The following GALNT17 variants were observed in gnomAD, a reference collection of about 807,000 sequenced individuals.
The protein encoded by GALNT17 is UDP-GalNAc:polypeptide N-acetylgalactosaminyltransferase-like 3.
In GALNT17, 29 loss-of-function variants were observed where a neutral mutation model predicts 63.7. The observed-to-expected ratio is 0.46, with a 90% confidence interval of 0.34 to 0.62. GALNT17 has a LOEUF of 0.62. Among genes scored for constraint, GALNT17 ranks in the 20% least tolerant of loss-of-function variants. GALNT17 has a pLI of 0.01. For synonymous variants in GALNT17, 305 were observed against 318.3 expected, an observed-to-expected ratio of 0.96 and a Z score of 0.45; for missense variants, 603 against 799.6, an observed-to-expected ratio of 0.75 and a Z score of 2.97.
rs530176376 is a variant in GALNT17, at chr7:71,705,389, T to C, written c.1501-5372T>C. Among the ~76,000 whole-genome samples, 8 of 152,170 alleles carry C rather than the reference T, an allele frequency of 5.3e-5. 2 individuals are homozygous for C. The South Asian group carries it at 1.5e-3, about 28-fold the overall frequency. Reference sequence around the variant, plus strand: ...ATGAGTTGGCCAGGATGTGGAGAAATTGAAACCCCGGTTCATTGCTGGTGG... The same window carrying C: ...ATGAGTTGGCCAGGATGTGGAGAAACTGAAACCCCGGTTCATTGCTGGTGG... On this transcript the variant is annotated intron_variant, in intron 9 of 10. Transcript: ENST00000333538.
chr7:71,219,438 A>G (rs1789544754), intron 1 of GALNT17, among the ~76,000 whole-genome samples: 1 of 152,108 alleles, frequency 6.6e-6, no homozygotes, highest in South Asian at 2.1e-4. Context: ...TCTTTCTGGA[A>G]TGCTTCTGTG....
At chr7:71,531,643 A>G (rs1179251637) in intron 5 of GALNT17, among the ~76,000 whole-genome samples, 1 of 152,110 alleles carries the variant, frequency 6.6e-6, no homozygotes, top group Non-Finnish European at 1.5e-5. Context: ...CACTGTGTTG[A>G]CCATTGTGTT....
chr7:71,610,549 C>T (rs1255922897), intron 6 of GALNT17, among the ~76,000 whole-genome samples: 1 of 152,012 alleles, frequency 6.6e-6, no homozygotes, highest in Non-Finnish European at 1.5e-5. Context: ...CCAAAAATAT[C>T]CTAACAGGCT....
chr7:71,339,531 T>A (rs1791971213), intron 2 of GALNT17, among the ~76,000 whole-genome samples: 1 of 151,762 alleles, frequency 6.6e-6, no homozygotes, highest in African/African-American at 2.4e-5. Context: ...TACTAAAATA[T>A]ACAAAAAAAG....
chr7:71,590,928 T>G (rs1021999151), intron 6 of GALNT17, among the ~76,000 whole-genome samples: 2 of 152,086 alleles, frequency 1.3e-5, no homozygotes, highest in Non-Finnish European at 2.9e-5. Context: ...CACAGCTAAT[T>G]TTTTGTATTT....
At chr7:71,507,101 G>C (rs112170578) in intron 5 of GALNT17, among the ~76,000 whole-genome samples, 4 of 152,126 alleles carry the variant, frequency 2.6e-5, no homozygotes, top group African/African-American at 7.2e-5. Flanking sequence ...TGGGCATAGT[G>C]GTGCACACCT....
chr7:71,603,002 A>C (rs1171895793), intron 6 of GALNT17, among the ~76,000 whole-genome samples: 2 of 152,150 alleles, frequency 1.3e-5, no homozygotes, highest in Non-Finnish European at 2.9e-5. Flanking sequence ...TGCTAAGTGC[A>C]TACACTGGAT....
chr7:71,425,263 G>A (rs112727489), intron 5 of GALNT17, among the ~76,000 whole-genome samples: 4,401 of 151,448 alleles, frequency 0.029, 91 homozygotes, highest in East Asian at 0.042. Context: ...TAGCTCTGTC[G>A]CCCAGGCTGA....
chr7:71,230,286 A>G (rs971917427), intron 1 of GALNT17, among the ~76,000 whole-genome samples: 5 of 152,066 alleles, frequency 3.3e-5, no homozygotes, highest in Non-Finnish European at 5.9e-5. Flanking sequence ...CAGATTGAAT[A>G]GGGGTTTATT....
At position 71,484,867 on chromosome 7, in the gene GALNT17, C is replaced by T. The variant is rs562602109; in HGVS notation, c.962+63762C>T. On this transcript the variant is annotated intron_variant, in intron 5 of 10. Coordinates refer to ENST00000333538, the MANE Select transcript of GALNT17 (RefSeq NM_022479.3). ...AGGCTGGAGTGCAATGGTGCAATCT[C>T]GGCTCACTGCAACCTCCACCTCCTG... Among the ~76,000 whole-genome samples the T allele has an allele frequency of 3.1e-3, 394 of 128,034 alleles. 2 individuals are homozygous for T. The highest frequency in any genetic ancestry group is 0.011 in the African/African-American group (374 of 33,968). The allele number at this position is 128,034 out of a possible 152,430, so 84.0% of individuals were successfully genotyped here. A position where few individuals can be genotyped will look rare whatever the true frequency, so the allele number is the denominator to read the frequency against.
chr7:71,237,532 A>G (rs1789917084), intron 1 of GALNT17, among the ~76,000 whole-genome samples: 1 of 148,344 alleles, frequency 6.7e-6, no homozygotes, highest in African/African-American at 2.5e-5. Context: ...AAAAAAAAAA[A>G]GAAAAAACAG....
At chr7:71,526,653 G>T (rs994479226) in intron 5 of GALNT17, among the ~76,000 whole-genome samples, 5 of 152,144 alleles carry the variant, frequency 3.3e-5, no homozygotes, top group African/African-American at 1.2e-4. Flanking sequence ...CCAAGTAGCT[G>T]GGATTACAGG....
intron 2 of GALNT17, among the ~76,000 whole-genome samples, chr7:71,378,884 C>T (rs1792792809): frequency 6.6e-6 from 1 of 152,068 alleles, no homozygotes; most frequent in Admixed American, 6.5e-5. Context: ...CGCCTGTAGT[C>T]CCAGCTACTT....
intron 2 of GALNT17, among the ~76,000 whole-genome samples, chr7:71,376,944 A>G (rs1456252452): frequency 2.0e-5 from 3 of 150,922 alleles, no homozygotes; most frequent in African/African-American, 4.9e-5. Context: ...AAGTTAGCCA[A>G]GCGAGGTGGT....
intron 1 of GALNT17, among the ~76,000 whole-genome samples, chr7:71,146,473 G>A (rs1788026186): frequency 6.6e-6 from 1 of 152,166 alleles, no homozygotes; most frequent in Non-Finnish European, 1.5e-5. Context: ...GATGAAGGGG[G>A]AGGGGACCAC....
At chr7:71,379,413 C>T (rs375981922) in intron 2 of GALNT17, among the ~76,000 whole-genome samples, 5 of 151,910 alleles carry the variant, frequency 3.3e-5, no homozygotes, top group African/African-American at 9.7e-5. Context: ...AGAGGAGTGA[C>T]GTGATCATAT....
At chr7:71,596,756 C>T (rs1052275198) in intron 6 of GALNT17, among the ~76,000 whole-genome samples, 2 of 152,046 alleles carry the variant, frequency 1.3e-5, no homozygotes, top group African/African-American at 4.8e-5. Context: ...TAATCACAGG[C>T]ACAGAGTCGG....
chr7:71,190,824 G>GTTCA (rs1172598770), intron 1 of GALNT17, among the ~76,000 whole-genome samples: 1 of 151,852 alleles, frequency 6.6e-6, no homozygotes, highest in Non-Finnish European at 1.5e-5. Context: ...TAGAGACAGG[G>GTTCA]TTCACCGTGT....
chr7:71,619,464 T>C (rs1790261433), intron 6 of GALNT17, among the ~76,000 whole-genome samples: 1 of 152,258 alleles, frequency 6.6e-6, no homozygotes, highest in South Asian at 2.1e-4. Flanking sequence ...ATCTCTGGTT[T>C]CTTTCAGCAG....
Sources: gnomAD v4.1 joint callset for allele counts (sites outside exome capture counted in the v4.1 genomes callset) on GRCh38, gnomAD v4.1.1 for gene constraint, MANE v1.5 for transcripts, NCBI Gene and HGNC (gene_info 2026-07-23, HGNC 2026-07-21) for gene names.